The following DNAH6 variants were observed in gnomAD, a reference collection of about 807,000 sequenced individuals.
DNAH6 encodes dynein axonemal heavy chain 6, also known as axonemal beta dynein heavy chain 6.
In DNAH6, 340 loss-of-function variants were observed where a neutral mutation model predicts 491.4. That is an observed-to-expected ratio of 0.69 (90% confidence interval 0.63 to 0.76). The LOEUF (loss-of-function observed/expected upper bound fraction) is 0.76, where lower values mean the gene tolerates loss of function less well. DNAH6 is among the 30% of genes least tolerant of loss of function. The pLI, the probability that DNAH6 is intolerant of heterozygous loss-of-function variation, is 0.00. For synonymous variants in DNAH6, 1,603 were observed against 1,686.1 expected (o/e 0.95, Z 1.21); for missense variants, 4,443 against 4,972.2 (o/e 0.89, Z 3.20).
rs1360906969 is a variant in DNAH6 at position 84,547,529 on chromosome 2, A to C, written c.1103A>C (p.Lys368Thr). Reference protein sequence around the residue: ...ERLGEFRNEAKYVVRRACRFA... With the variant: ...ERLGEFRNEATYVVRRACRFA... ...CTAGGAGAATTTCGAAATGAGGCAAAATATGTAGTCAGGAGGGCTTGTCGA... is the reference window on the plus strand; with the variant it reads ...CTAGGAGAATTTCGAAATGAGGCAACATATGTAGTCAGGAGGGCTTGTCGA... The change falls in exon 7 of 77, where the codon AAA becomes ACA. Residue 368 changes from lysine (K) to threonine (T), a missense_variant. Physicochemically the swap from Lys to Thr is moderately conservative, Grantham distance 78 (BLOSUM62 -1). This residue lies in a region of DNAH6 where 2,977 missense variants were observed against 3,296.6 expected (regional missense o/e 0.90). Transcript: ENST00000389394. 1 of 1,551,592 alleles carries C rather than the reference A, an allele frequency of 6.4e-7. No homozygotes were observed.
At chr2:84,747,656 C>T (rs974094869) in intron 63 of DNAH6, among the ~76,000 whole-genome samples, 1 of 152,212 alleles carries the variant, frequency 6.6e-6, no homozygotes, top group Non-Finnish European at 1.5e-5. Flanking sequence ...AGGCAGCACC[C>T]TGGTGGGGAC....
At chr2:84,573,311 C>A (rs899822146) in intron 11 of DNAH6, among the ~76,000 whole-genome samples, 156 bp from the exon 12 acceptor site, 2 of 152,142 alleles carry the variant, frequency 1.3e-5, no homozygotes, top group Non-Finnish European at 2.9e-5. Flanking sequence ...TCCTCGACAT[C>A]AAGAATATAT....
intron 72 of DNAH6, among the ~76,000 whole-genome samples, chr2:84,810,946 C>T (rs928480675): frequency 6.6e-6 from 1 of 152,142 alleles, no homozygotes; most frequent in African/African-American, 2.4e-5. Context: ...GCTCCCTCCA[C>T]CTCTATCATT....
chr2:84,768,161 T>C (rs2105161826), intron 64 of DNAH6, among the ~76,000 whole-genome samples: 2 of 152,162 alleles, frequency 1.3e-5, no homozygotes, highest in Middle Eastern at 6.8e-3. Flanking sequence ...GGGAAATGTA[T>C]AGGCTTAAAT....
At chr2:84,645,463 A>G (rs1689805469) in intron 33 of DNAH6, among the ~76,000 whole-genome samples, 1 of 152,136 alleles carries the variant, frequency 6.6e-6, no homozygotes, top group Non-Finnish European at 1.5e-5. Context: ...CTGACATGAG[A>G]TGGTATCACA....
intron 61 of DNAH6, among the ~76,000 whole-genome samples, chr2:84,730,488 T>C (rs1275667312): frequency 2.0e-5 from 3 of 152,156 alleles, no homozygotes; most frequent in Non-Finnish European, 2.9e-5. Context: ...CTGGGCCACA[T>C]TGGAAGAAGA....
At chr2:84,611,625 T>C in intron 21 of DNAH6, 49 bp from the exon 22 acceptor site, 1 of 1,451,926 alleles carries the variant, frequency 6.9e-7, no homozygotes, top group Non-Finnish European at 9.4e-7. Flanking sequence ...TAACCATATG[T>C]TTTTAATTGG....
At chr2:84,604,264 A>C (rs898783323) in intron 18 of DNAH6, 75 bp from the exon 19 acceptor site, 1 of 1,224,570 alleles carries the variant, frequency 8.2e-7, no homozygotes, top group African/African-American at 1.5e-5. Flanking sequence ...CTACATGCAC[A>C]AATTGAAACC....
intron 10 of DNAH6, among the ~76,000 whole-genome samples, chr2:84,555,920 A>C (rs1679974503): frequency 6.6e-6 from 1 of 151,992 alleles, no homozygotes; most frequent in Non-Finnish European, 1.5e-5. Context: ...GGACCTCATC[A>C]TCTCTCTTCT....
At chr2:84,484,527 C>T in the DNAH6 span, among the ~76,000 whole-genome samples, 1 of 152,156 alleles carries the variant, frequency 6.6e-6, no homozygotes, top group Non-Finnish European at 1.5e-5. Flanking sequence ...AAAGTTTCTT[C>T]CTTTGCCTCT....
At chr2:84,771,508 G>C (rs945279951) in intron 64 of DNAH6, among the ~76,000 whole-genome samples, 1 of 152,110 alleles carries the variant, frequency 6.6e-6, no homozygotes, top group Non-Finnish European at 1.5e-5. Flanking sequence ...CTCAAAGACA[G>C]CTATACCAAG....
chr2:84,589,190 T>A (rs1036278237), intron 16 of DNAH6, among the ~76,000 whole-genome samples: 1 of 152,242 alleles, frequency 6.6e-6, no homozygotes, highest in African/African-American at 2.4e-5. Context: ...TTGTGAATTA[T>A]GCAAAACTTT....
Position 84,557,885 on chromosome 2 carries a change from G to A in DNAH6, c.1753G>A (p.Ala585Thr). 1 of 1,612,096 alleles carries A rather than the reference G, an allele frequency of 6.2e-7. No individual in the cohort carries two copies. Among genetic ancestry groups the A allele is most frequent in the Admixed American group, 1.7e-5 (1 of 59,984 alleles). Residue 585 changes from alanine to threonine, a missense_variant, in exon 11 of 77, where the codon GCA becomes ACA. By Grantham distance (58) the Ala-to-Thr change is moderately conservative. Around this residue, in one of 3 missense-constraint regions of DNAH6, gnomAD observed 2,977 missense variants for 3,296.6 expected, o/e 0.90. Coordinates refer to ENST00000389394, the MANE Select transcript of DNAH6 (RefSeq NM_001370.2). ...CTGTGGAACTGGGCCAAGTTTAGCA[G>A]CAGTATTTGAGGATGATAAGAATTT... ...KTCGTGPSLA[A>T]VFEDDKNFHT...
intron 63 of DNAH6, among the ~76,000 whole-genome samples, chr2:84,745,604 T>A (rs1400018716): frequency 6.7e-6 from 1 of 149,088 alleles, no homozygotes; most frequent in East Asian, 2.0e-4. Flanking sequence ...AGGCAGAGCT[T>A]GCAGTGAGCC....
chr2:84,641,577 G>A (rs538563228), intron 32 of DNAH6, among the ~76,000 whole-genome samples: 5 of 152,164 alleles, frequency 3.3e-5, no homozygotes, highest in African/African-American at 4.8e-5. Context: ...GAGTCACTGG[G>A]CTGGGTTTCG....
upstream of DNAH6, among the ~76,000 whole-genome samples, chr2:84,512,266 AAGTCCAAAGTTGAG>A (rs566079342): frequency 4.6e-4 from 70 of 152,312 alleles, 1 homozygote; most frequent in East Asian, 0.012. Flanking sequence ...GGAGGCTGGG[AAGTCCAAAGTTGAG>A]AGGCCAGTGG....
the DNAH6 span, among the ~76,000 whole-genome samples, chr2:84,501,003 T>C: frequency 2.0e-5 from 3 of 152,214 alleles, no homozygotes; most frequent in Admixed American, 2.0e-4. Flanking sequence ...CTTTCCAATT[T>C]GGATGTCTTT....
chr2:84,766,289 G>A (rs1209127335), intron 64 of DNAH6, among the ~76,000 whole-genome samples: 2 of 152,202 alleles, frequency 1.3e-5, no homozygotes, highest in East Asian at 3.9e-4. Context: ...ACAAAAATTA[G>A]CCATGCTTTT....
rs1407816217 is a variant in DNAH6, at chr2:84,525,532, A to G, written c.226-33A>G. On this transcript the variant is annotated intron_variant, in intron 2 of 76. Coordinates refer to ENST00000389394, the MANE Select transcript of DNAH6 (RefSeq NM_001370.2). The stretch of plus-strand genomic sequence containing the variant: ...ATAAAACAAGTTTATACGAATGTTA[A>G]TAAAAATTAACATGTCTCTCTATTT... 1.4e-5 allele frequency: 22 copies of G among 1,521,214 alleles called. No individual in the cohort carries two copies. The Middle Eastern group carries it at 2.0e-3, about 141-fold the overall frequency. 94.2% of individuals were successfully genotyped at this position (1,521,214 alleles called of 1,614,324 possible). A position where few individuals can be genotyped will look rare whatever the true frequency, so the allele number is the denominator to read the frequency against.
Sources: allele counts gnomAD v4.1 joint callset (sites outside exome capture counted in the v4.1 genomes callset), GRCh38; gene constraint gnomAD v4.1.1; regional missense constraint gnomAD v4.1.1; transcripts MANE v1.5; gene names NCBI Gene and HGNC (gene_info 2026-07-23, HGNC 2026-07-21).